CPLANE1: variants seen among roughly 807,000 people sequenced by gnomAD.
The protein encoded by CPLANE1 is ciliogenesis and planar polarity effector complex subunit 1, also known as ciliogenesis and planar polarity effector 1.
A neutral mutation model predicts 362.5 loss-of-function variants in CPLANE1; 263 were observed. That is an observed-to-expected ratio of 0.73 (90% CI 0.66 to 0.80). The LOEUF (loss-of-function observed/expected upper bound fraction) is 0.80, where lower values mean the gene tolerates loss of function less well. CPLANE1 is among the 30% of genes least tolerant of loss of function. CPLANE1 has a pLI of 0.00. For synonymous variants in CPLANE1, 1,212 were observed against 1,302.6 expected, an observed-to-expected ratio of 0.93 and a Z score of 1.50; for missense variants, 3,461 against 3,793.4, an observed-to-expected ratio of 0.91 and a Z score of 2.30.
intron 14 of CPLANE1, among the ~76,000 whole-genome samples, chr5:37,222,757 A>G (rs918211337): frequency 6.6e-6 from 1 of 152,210 alleles, no homozygotes. Flanking sequence ...AATCTACTCA[A>G]TCACAAGTAG....
At chr5:37,139,277 A>G (rs772223471) in intron 45 of CPLANE1, 63 bp downstream of exon 45, 1 of 1,365,916 alleles carries the variant, frequency 7.3e-7, no homozygotes, top group Non-Finnish European at 9.9e-7. Flanking sequence ...ACATATGAAC[A>G]AAATTTTCAC....
At chr5:37,079,661 TTCA>T in the CPLANE1 span, among the ~76,000 whole-genome samples, 3 of 152,184 alleles carry the variant, frequency 2.0e-5, no homozygotes, top group Non-Finnish European at 2.9e-5. Flanking sequence ...AACATTAGCT[TTCA>T]TCAGGGTCTC....
In CPLANE1 at chr5:37,167,003, G is replaced by C. The variant is rs377559505; in HGVS notation, c.7400+44C>G. ...TGTGATTATAAATAATAATGAACTTGCTGATATATGATATTATCAAATAAA... is the reference window on the plus strand; with the variant it reads ...TGTGATTATAAATAATAATGAACTTCCTGATATATGATATTATCAAATAAA... On this transcript the variant is annotated intron_variant, in intron 35 of 52. Coordinates refer to ENST00000651892, the MANE Select transcript of CPLANE1 (RefSeq NM_001384732.1). The C allele has an allele frequency of 2.4e-4, 342 of 1,413,228 alleles. 2 individuals carry two copies. Among genetic ancestry groups the C allele is most frequent in the Non-Finnish European group, 4.8e-5 (48 of 1,008,400 alleles). 87.5% of individuals were successfully genotyped at this position (1,413,228 alleles called of 1,614,324 possible). A position where few individuals can be genotyped will look rare whatever the true frequency, so the allele number is the denominator to read the frequency against.
intron 15 of CPLANE1, among the ~76,000 whole-genome samples, chr5:37,214,612 A>G (rs1001695780): frequency 6.6e-6 from 1 of 152,252 alleles, no homozygotes; most frequent in Admixed American, 6.5e-5. Context: ...TTCCTACTGT[A>G]CTACTGTATT....
chr5:37,085,647 C>G, the CPLANE1 span: 1 of 1,030,634 alleles, frequency 9.7e-7, no homozygotes, highest in South Asian at 1.3e-5. Context: ...GGTGTGATCA[C>G]CAACAGAGAG....
rs1276262130 is a variant in CPLANE1 at position 37,224,234 on chromosome 5, T to C, written c.2581+19A>G. The C allele has an allele frequency of 2.6e-6, 4 of 1,515,382 alleles. No homozygotes were observed. The highest frequency in any genetic ancestry group is 2.7e-6 in the Non-Finnish European group (3 of 1,119,404). The allele number at this position is 1,515,382 out of a possible 1,614,324, so 93.9% of individuals were successfully genotyped here. ...AGTCCTGCTAATATTATGGCACATATTTTTTAACACTCTCTTACCTTTCTC... is the reference window on the plus strand; with the variant it reads ...AGTCCTGCTAATATTATGGCACATACTTTTTAACACTCTCTTACCTTTCTC... On this transcript the variant is annotated intron_variant, in intron 14 of 52. Transcript: ENST00000651892.
chr5:37,127,300 C>T (rs1764410281), intron 46 of CPLANE1, among the ~76,000 whole-genome samples: 2 of 152,168 alleles, frequency 1.3e-5, no homozygotes, highest in Non-Finnish European at 2.9e-5. Flanking sequence ...AGGGTCAGAT[C>T]TACATCAGCA....
intron 44 of CPLANE1, chr5:37,140,322 G>A (rs559101108): frequency 1.0e-6 from 1 of 976,828 alleles, no homozygotes; most frequent in Admixed American, 6.1e-5. Flanking sequence ...GTTTTAATAT[G>A]AAATACCTGT....
chr5:37,085,523 T>C, the CPLANE1 span: 4 of 809,122 alleles, frequency 4.9e-6, no homozygotes, highest in South Asian at 5.3e-5. Context: ...TCAAGGTAAA[T>C]GATACCATTC....
In CPLANE1 at chr5:37,180,892, T is replaced by C. The variant is rs765755476; in HGVS notation, c.5535A>G (p.Arg1845=). 4.3e-6 allele frequency: 7 copies of C among 1,614,112 alleles called. No homozygotes were observed. The South Asian group carries it at 5.5e-5, about 13-fold the overall frequency. ...AVATPGGTEE[R]NGQNKSCQNI... is the part of the protein sequence containing the mutation. ...TTTGACAAGATTTATTCTGACCATTTCTTTCCTCAGTTCCACCTGGAGTTG... is the reference window on the plus strand; with the variant it reads ...TTTGACAAGATTTATTCTGACCATTCCTTTCCTCAGTTCCACCTGGAGTTG... The change falls in exon 27 of 53, where the codon AGA becomes AGG. Residue 1845 remains arginine, a synonymous_variant. Coordinates refer to ENST00000651892, the MANE Select transcript of CPLANE1 (RefSeq NM_001384732.1).
intron 16 of CPLANE1, chr5:37,210,740 A>G (rs1792353185): frequency 1.3e-6 from 2 of 1,571,074 alleles, no homozygotes; most frequent in Non-Finnish European, 8.8e-7. Context: ...AACAACTGGA[A>G]GAGAGTAGAA....
Position 37,141,388 on chromosome 5 carries a change from A to T in CPLANE1, c.8632+922T>A. ...AAAGCTATCAGTGACCAAGAAAATAAAACAAGATTCTCAGATGCTTTATAT... is the reference window on the plus strand; with the variant it reads ...AAAGCTATCAGTGACCAAGAAAATATAACAAGATTCTCAGATGCTTTATAT... On this transcript the variant is annotated intron_variant, in intron 44 of 52. Coordinates refer to ENST00000651892, the MANE Select transcript of CPLANE1 (RefSeq NM_001384732.1). The T allele has an allele frequency of 4.1e-6, 4 of 985,432 alleles. No individual in the cohort carries two copies. The African/African-American group carries it at 7.0e-5, about 17-fold the overall frequency. The allele number at this position is 985,432 out of a possible 1,614,324, so 61.0% of individuals were successfully genotyped here. A position where few individuals can be genotyped will look rare whatever the true frequency, so the allele number is the denominator to read the frequency against.
chr5:37,210,782 T>G (rs1792373796), intron 16 of CPLANE1: 1 of 1,280,542 alleles, frequency 7.8e-7, no homozygotes, highest in Admixed American at 1.7e-5. Flanking sequence ...ACCGCCTAGC[T>G]CAGCTGGCTC....
intron 50 of CPLANE1, among the ~76,000 whole-genome samples, chr5:37,119,648 G>A (rs191814210): frequency 1.4e-4 from 20 of 147,690 alleles, no homozygotes; most frequent in Non-Finnish European, 2.2e-4. Flanking sequence ...TCCAGCCTGG[G>A]CAACAAGAGT....
intron 42 of CPLANE1, among the ~76,000 whole-genome samples, chr5:37,149,119 C>T (rs1218817365): frequency 6.6e-6 from 1 of 151,996 alleles, no homozygotes; most frequent in African/African-American, 2.4e-5. Flanking sequence ...ACATTATTTC[C>T]TTCAAAGTGG....
In CPLANE1 at chr5:37,148,162, C is replaced by T. The variant is rs772961080; in HGVS notation, c.8461+19G>A. On this transcript the variant is annotated intron_variant, in intron 43 of 52. Transcript: ENST00000651892. Reference sequence around the variant, plus strand: ...AACTAAAGCAAGACTTCAGCCAGCCCCTATCAGCCCCTACAAACCTTCTTC... The same window carrying T: ...AACTAAAGCAAGACTTCAGCCAGCCTCTATCAGCCCCTACAAACCTTCTTC... The T allele has an allele frequency of 4.4e-6, 7 of 1,590,434 alleles. No individual in the cohort carries two copies. The Middle Eastern group carries it at 6.6e-4, about 151-fold the overall frequency.
chr5:37,103,245 T>G (rs1757382898), downstream of CPLANE1, among the ~76,000 whole-genome samples: 1 of 152,222 alleles, frequency 6.6e-6, no homozygotes, highest in South Asian at 2.1e-4. Flanking sequence ...TCCCTTTATT[T>G]TGAGCCTATG....
chr5:37,164,549 T>A (rs2150849082), intron 36 of CPLANE1, among the ~76,000 whole-genome samples: 1 of 152,294 alleles, frequency 6.6e-6, no homozygotes, highest in African/African-American at 2.4e-5. Flanking sequence ...ATTACCAATT[T>A]AATGTAACGT....
intron 21 of CPLANE1, among the ~76,000 whole-genome samples, chr5:37,193,202 A>C (rs1417281959): frequency 6.6e-6 from 1 of 151,972 alleles, no homozygotes; most frequent in African/African-American, 2.4e-5. Flanking sequence ...ACAAAACTTC[A>C]TCTGTTCACT....
Sources: gnomAD v4.1 joint callset for allele counts (sites outside exome capture counted in the v4.1 genomes callset) on GRCh38, gnomAD v4.1.1 for gene constraint, MANE v1.5 for transcripts, NCBI Gene and HGNC (gene_info 2026-07-23, HGNC 2026-07-21) for gene names.